MAGI1: variants seen among roughly 807,000 people sequenced by gnomAD.
MAGI1 encodes the protein membrane-associated guanylate kinase, WW and PDZ domain-containing protein 1.
In MAGI1, 58 loss-of-function variants were observed where a neutral mutation model predicts 139.9. The observed-to-expected ratio is 0.41, with a 90% confidence interval of 0.34 to 0.52. The LOEUF is 0.52. Ranked by LOEUF, MAGI1 falls within the 20% of genes least tolerant of loss-of-function variation. The pLI is 0.12. For missense variants in MAGI1, 1,874 were observed against 1,901.6 expected (o/e 0.99, Z 0.27); for synonymous variants, 812 against 737.9 (o/e 1.10, Z -1.63).
chr3:65,787,385 C>A (rs1205247729), intron 1 of MAGI1, among the ~76,000 whole-genome samples: 1 of 151,696 alleles, frequency 6.6e-6, no homozygotes, highest in Non-Finnish European at 1.5e-5. Flanking sequence ...TCTTCCTCTG[C>A]CGTTTTTTTA....
intron 1 of MAGI1, among the ~76,000 whole-genome samples, chr3:65,970,094 T>C (rs1419366150): frequency 6.6e-6 from 1 of 152,190 alleles, no homozygotes; most frequent in African/African-American, 2.4e-5. Context: ...CAACCCACTG[T>C]CCATCAACAG....
At position 65,718,649 on chromosome 3, in the gene MAGI1, T is replaced by C. The variant is rs2032583600; in HGVS notation, c.314-96561A>G. On this transcript the variant is annotated intron_variant, in intron 1 of 22. Transcript: ENST00000402939. The stretch of plus-strand genomic sequence containing the variant: ...AAGATGACAAAGATTTCAGAGCACG[T>C]TCTCAGATCAAATTATTACAGGATT... 3 of 152,116 alleles carry C rather than the reference T, an allele frequency of 2.0e-5. 1 individual carries two copies. Among genetic ancestry groups the C allele is most frequent in the Admixed American group, 2.0e-4 (3 of 15,264 alleles). The allele number at this position is 152,116 out of a possible 1,614,324, so 9.4% of individuals were successfully genotyped here. A position where few individuals can be genotyped will look rare whatever the true frequency, so the allele number is the denominator to read the frequency against.
At chr3:66,036,456 T>TA (rs1251009135) in intron 1 of MAGI1, among the ~76,000 whole-genome samples, 1 of 152,024 alleles carries the variant, frequency 6.6e-6, no homozygotes, top group African/African-American at 2.4e-5. Flanking sequence ...TCAGAGTAAG[T>TA]AAAAAAGCCA....
At chr3:65,358,462 A>C (rs181846567) in intron 22 of MAGI1, among the ~76,000 whole-genome samples, 2 of 152,342 alleles carry the variant, frequency 1.3e-5, no homozygotes, top group African/African-American at 4.8e-5. Context: ...GGTTTTTAAC[A>C]AAAAGCAAGT....
intron 1 of MAGI1, among the ~76,000 whole-genome samples, chr3:65,931,612 C>T (rs531777545): frequency 6.6e-6 from 1 of 152,120 alleles, no homozygotes; most frequent in Non-Finnish European, 1.5e-5. Flanking sequence ...TGCAGTGGGC[C>T]GAGATTGTGC....
intron 1 of MAGI1, among the ~76,000 whole-genome samples, chr3:65,841,356 A>G (rs1439211381): frequency 1.3e-5 from 2 of 151,330 alleles, no homozygotes; most frequent in Non-Finnish European, 1.5e-5. Context: ...TTCTTGATGT[A>G]GGGGCTCCAA....
At chr3:65,963,638 TAATGAC>T (rs1311645239) in intron 1 of MAGI1, among the ~76,000 whole-genome samples, 1 of 151,230 alleles carries the variant, frequency 6.6e-6, no homozygotes, top group Non-Finnish European at 1.5e-5. Flanking sequence ...TAAATAAAAA[TAATGAC>T]AATGTAATGT....
intron 15 of MAGI1, among the ~76,000 whole-genome samples, chr3:65,382,877 G>C (rs963066632): frequency 2.0e-5 from 3 of 152,184 alleles, no homozygotes; most frequent in African/African-American, 7.2e-5. Flanking sequence ...AGAGCCTTTA[G>C]CACAGAACCT....
chr3:65,621,016 T>TC (rs869040925), intron 2 of MAGI1, among the ~76,000 whole-genome samples: 1 of 13,910 alleles, frequency 7.2e-5, no homozygotes, highest in African/African-American at 2.9e-4. Context: ...CATTTGCAAG[T>TC]TTTTTTTTTA....
At chr3:65,779,843 T>C (rs1038387245) in intron 1 of MAGI1, among the ~76,000 whole-genome samples, 1 of 152,218 alleles carries the variant, frequency 6.6e-6, no homozygotes. Flanking sequence ...CTAACCTTTT[T>C]CTTACCAGCT....
chr3:65,903,957 G>A (rs1244623427), intron 1 of MAGI1, among the ~76,000 whole-genome samples: 7 of 151,786 alleles, frequency 4.6e-5, no homozygotes, highest in East Asian at 1.9e-4. Flanking sequence ...GCAGTGAGCC[G>A]AGATCGTGCC....
chr3:65,859,208 C>T (rs1456485714), intron 1 of MAGI1, among the ~76,000 whole-genome samples: 1 of 151,960 alleles, frequency 6.6e-6, no homozygotes, highest in African/African-American at 2.4e-5. Context: ...TGGCGCATGC[C>T]TGTAATCCCA....
intron 1 of MAGI1, among the ~76,000 whole-genome samples, chr3:65,964,908 A>G (rs1456450064): frequency 6.6e-6 from 1 of 152,250 alleles, no homozygotes; most frequent in African/African-American, 2.4e-5. Flanking sequence ...AGAAATGGAA[A>G]GAATTTCAAT....
At chr3:65,784,660 G>A (rs183681007) in intron 1 of MAGI1, among the ~76,000 whole-genome samples, 5 of 152,018 alleles carry the variant, frequency 3.3e-5, no homozygotes, top group African/African-American at 7.3e-5. Context: ...AGCCGAGATC[G>A]CGCCACTGCA....
chr3:66,022,490 G>A (rs1392897763), intron 1 of MAGI1, among the ~76,000 whole-genome samples: 1 of 152,182 alleles, frequency 6.6e-6, no homozygotes, highest in African/African-American at 2.4e-5. Flanking sequence ...AATTTATAGG[G>A]TTAATAAATG....
chr3:65,380,240 C>T lies in MAGI1; in HGVS notation c.2702-686G>A, dbSNP rs142718792. ...GTAAAGCACTCCTAAATAGCCAACA[C>T]CGTAGGTGGAACCAACTATGCCAAA... is the stretch of plus-strand genomic sequence containing the variant. On this transcript the variant is annotated intron_variant, in intron 16 of 22. Transcript: ENST00000402939. Among the ~76,000 whole-genome samples, 6 of 152,330 alleles carry T rather than the reference C, an allele frequency of 3.9e-5. No individual in the cohort carries two copies. The East Asian group carries it at 1.2e-3, about 29-fold the overall frequency.
rs2038633297 is a variant in MAGI1 at position 65,778,250 on chromosome 3, T to C, written c.314-156162A>G. ...TTCAAGATCAGGCTGGCCAACATGG[T>C]GAAACTTTGTCTCTACTGAAAATAC... On this transcript the variant is annotated intron_variant, in intron 1 of 22. Transcript: ENST00000402939. 2.0e-5 allele frequency among the ~76,000 whole-genome samples: 3 copies of C among 151,870 alleles called. No homozygotes were observed. The South Asian group carries it at 6.2e-4, about 32-fold the overall frequency.
chr3:65,639,752 C>G (rs192872857), intron 1 of MAGI1, among the ~76,000 whole-genome samples: 35 of 152,152 alleles, frequency 2.3e-4, no homozygotes, highest in Non-Finnish European at 4.0e-4. Flanking sequence ...CCTGTAATCC[C>G]AGCACTTTGG....
At chr3:65,773,894 A>G (rs2107959291) in intron 1 of MAGI1, among the ~76,000 whole-genome samples, 2 of 152,288 alleles carry the variant, frequency 1.3e-5, no homozygotes, top group South Asian at 4.1e-4. Context: ...TTTTAATACA[A>G]GTTACTTGTG....
Sources: gnomAD v4.1 joint callset for allele counts (sites outside exome capture counted in the v4.1 genomes callset) on GRCh38, gnomAD v4.1.1 for gene constraint, MANE v1.5 for transcripts, NCBI Gene and HGNC (gene_info 2026-07-23, HGNC 2026-07-21) for gene names.